HTR1F: variants seen among roughly 807,000 people sequenced by gnomAD.
The protein encoded by HTR1F is 5-hydroxytryptamine (serotonin) receptor 1F, G protein-coupled.
A neutral mutation model predicts 24.0 loss-of-function variants in HTR1F; 17 were observed. The ratio of observed to expected loss-of-function variants is 0.71; its 90% CI spans 0.48 to 1.06. The LOEUF (loss-of-function observed/expected upper bound fraction) is 1.06, where lower values mean the gene tolerates loss of function less well. Among genes scored for constraint, HTR1F ranks in the 50% least tolerant of loss-of-function variants. The pLI is 0.00. For missense variants in HTR1F, 391 were observed against 427.8 expected, an observed-to-expected ratio of 0.91 and a Z score of 0.76; for synonymous variants, 186 against 156.8, an observed-to-expected ratio of 1.19 and a Z score of -1.39.
At chr3:87,795,316 A>G (rs148877481) in intron 1 of HTR1F, among the ~76,000 whole-genome samples, 4 of 152,306 alleles carry the variant, frequency 2.6e-5, no homozygotes, top group Admixed American at 1.3e-4. Context: ...AAAAGGAGTG[A>G]TAGTTTAAAT....
chr3:87,872,185 A>C (rs1188128545), intron 2 of HTR1F, among the ~76,000 whole-genome samples: 4 of 152,164 alleles, frequency 2.6e-5, no homozygotes, highest in Non-Finnish European at 5.9e-5. Context: ...ATCGCTAAGA[A>C]AGTTAAATGC....
intron 1 of HTR1F, among the ~76,000 whole-genome samples, chr3:87,804,153 CT>C (rs1232873798): frequency 5.9e-5 from 9 of 152,096 alleles, no homozygotes; most frequent in African/African-American, 2.2e-4. Context: ...ACACTTAAAA[CT>C]AAAAAGTATT....
At chr3:87,851,057 C>T (rs1705075238) in intron 2 of HTR1F, among the ~76,000 whole-genome samples, 1 of 151,640 alleles carries the variant, frequency 6.6e-6, no homozygotes, top group African/African-American at 2.4e-5. Flanking sequence ...TGCTACCTGC[C>T]ATCCCACCAC....
intron 2 of HTR1F, among the ~76,000 whole-genome samples, chr3:87,841,900 C>CAAAAAAA (rs1463648976): frequency 3.5e-5 from 2 of 57,392 alleles, no homozygotes; most frequent in African/African-American, 5.7e-5. Flanking sequence ...GATTCTGTCT[C>CAAAAAAA]AAAAAAAAAA....
At chr3:87,889,372 C>A (rs188730643) in intron 2 of HTR1F, among the ~76,000 whole-genome samples, 14 of 152,226 alleles carry the variant, frequency 9.2e-5, no homozygotes, top group African/African-American at 3.4e-4. Flanking sequence ...TTATATATTT[C>A]ATCTTATCAC....
intron 2 of HTR1F, among the ~76,000 whole-genome samples, chr3:87,944,066 T>A (rs1381170819): frequency 1.3e-5 from 2 of 152,122 alleles, no homozygotes; most frequent in Non-Finnish European, 2.9e-5. Flanking sequence ...GCTTATCAGA[T>A]TAGTTATGCT....
chr3:87,985,514 C>A (rs1298083205), intron 2 of HTR1F, among the ~76,000 whole-genome samples: 2 of 152,128 alleles, frequency 1.3e-5, no homozygotes, highest in Non-Finnish European at 2.9e-5. Context: ...CTTCAGTTAT[C>A]TTATCTATGA....
At chr3:87,945,693 A>G (rs1395786806) in intron 2 of HTR1F, among the ~76,000 whole-genome samples, 1 of 152,158 alleles carries the variant, frequency 6.6e-6, no homozygotes, top group East Asian at 1.9e-4. Context: ...CTTAAGACTC[A>G]CACCTGAGTC....
chr3:87,914,007 G>A (rs758245940), intron 2 of HTR1F, among the ~76,000 whole-genome samples: 1 of 152,142 alleles, frequency 6.6e-6, no homozygotes, highest in Non-Finnish European at 1.5e-5. Flanking sequence ...GAAGGAAGCG[G>A]ATTGCTCCTG....
At chr3:87,889,898 T>C (rs1706041297) in intron 2 of HTR1F, among the ~76,000 whole-genome samples, 1 of 152,344 alleles carries the variant, frequency 6.6e-6, no homozygotes, top group Non-Finnish European at 1.5e-5. Flanking sequence ...GCACCTCCAC[T>C]GAAAACATAA....
At chr3:87,927,855 G>C (rs1316924165) in intron 2 of HTR1F, among the ~76,000 whole-genome samples, 1 of 151,970 alleles carries the variant, frequency 6.6e-6, no homozygotes, top group African/African-American at 2.4e-5. Flanking sequence ...ATTAATACTA[G>C]TTAAATAATT....
chr3:87,878,848 T>C (rs1232423094), intron 2 of HTR1F, among the ~76,000 whole-genome samples: 2 of 152,228 alleles, frequency 1.3e-5, no homozygotes, highest in Admixed American at 1.3e-4. Flanking sequence ...GTTCATCTCA[T>C]AGGTGTCATA....
intron 2 of HTR1F, among the ~76,000 whole-genome samples, chr3:87,936,857 A>C (rs1704432025): frequency 6.6e-6 from 1 of 151,996 alleles, no homozygotes; most frequent in South Asian, 2.1e-4. Flanking sequence ...ACCTCTATGC[A>C]CACAAACTAG....
At chr3:87,844,148 T>G (rs1704880168) in intron 2 of HTR1F, among the ~76,000 whole-genome samples, 1 of 151,782 alleles carries the variant, frequency 6.6e-6, no homozygotes, top group African/African-American at 2.4e-5. Context: ...CCACCAACAG[T>G]GTAAAAGTGT....
At chr3:87,890,078 C>T (rs1706043618) in intron 2 of HTR1F, among the ~76,000 whole-genome samples, 1 of 152,106 alleles carries the variant, frequency 6.6e-6, no homozygotes, top group African/African-American at 2.4e-5. Context: ...CTTGTATGTA[C>T]CCAGGTAATA....
At chr3:87,870,162 G>A (rs1284861801) in intron 2 of HTR1F, among the ~76,000 whole-genome samples, 2 of 152,026 alleles carry the variant, frequency 1.3e-5, no homozygotes, top group Non-Finnish European at 2.9e-5. Context: ...AAAACTATAA[G>A]TGAGTTTTCT....
At chr3:87,827,106 CATT>C (rs200225419) in intron 2 of HTR1F, among the ~76,000 whole-genome samples, 2,851 of 151,556 alleles carry the variant, frequency 0.019, 91 homozygotes, top group African/African-American at 0.065. Context: ...CCACCACTAT[CATT>C]ATTTTCTTTC....
At chr3:87,902,231 A>G (rs1194957899) in intron 2 of HTR1F, among the ~76,000 whole-genome samples, 1 of 152,170 alleles carries the variant, frequency 6.6e-6, no homozygotes, top group Non-Finnish European at 1.5e-5. Flanking sequence ...GTAGCACAAT[A>G]GAATAAAACA....
At chr3:87,821,947 G>C (rs1320354412) in intron 1 of HTR1F, among the ~76,000 whole-genome samples, 61 bp from the exon 2 acceptor site, 1 of 152,142 alleles carries the variant, frequency 6.6e-6, no homozygotes. Context: ...GTATATTACG[G>C]CTGGGAAAAT....
Sources: allele counts gnomAD v4.1 joint callset (sites outside exome capture counted in the v4.1 genomes callset), GRCh38; gene constraint gnomAD v4.1.1; transcripts MANE v1.5; gene names NCBI Gene and HGNC (gene_info 2026-07-23, HGNC 2026-07-21).